The following SLC13A2 variants were observed in gnomAD, a reference collection of about 807,000 sequenced individuals.
SLC13A2 encodes solute carrier family 13 member 2, also known as Na(+)-coupled citrate transporter.
In SLC13A2, 40 loss-of-function variants were observed where a neutral mutation model predicts 58.5. The observed-to-expected ratio is 0.68, with a 90% confidence interval of 0.53 to 0.89. SLC13A2 has a LOEUF of 0.89. Among genes scored for constraint, SLC13A2 ranks in the 40% least tolerant of loss-of-function variants. SLC13A2 has a pLI of 0.00. For synonymous variants in SLC13A2, 341 were observed against 331.6 expected (o/e 1.03, Z -0.31); for missense variants, 694 against 772.6 (o/e 0.90, Z 1.21).
intron 1 of SLC13A2, among the ~76,000 whole-genome samples, chr17:28,479,275 C>T (rs1361285583): frequency 6.6e-6 from 1 of 152,172 alleles, no homozygotes; most frequent in Non-Finnish European, 1.5e-5. Flanking sequence ...CCAGGCAGAA[C>T]AAGCAGTAAG....
At chr17:28,478,315 C>T (rs1555600455) in intron 1 of SLC13A2, among the ~76,000 whole-genome samples, 1 of 152,238 alleles carries the variant, frequency 6.6e-6, no homozygotes, top group African/African-American at 2.4e-5. Context: ...TCCCACCATA[C>T]TTCAGTCCAG....
chr17:28,496,612 C>T lies in SLC13A2; in HGVS notation c.1608+25C>T, dbSNP rs781855925. 2.5e-6 allele frequency: 4 copies of T among 1,596,460 alleles called. No homozygotes were observed. The highest frequency in any genetic ancestry group is 2.2e-5 in the East Asian group (1 of 44,520). ...GGTAAGTGGCAGGGAGGCCTGAATGCCTCATCCCTCCTTCCTGCTCTGACT... is the reference window on the plus strand; with the variant it reads ...GGTAAGTGGCAGGGAGGCCTGAATGTCTCATCCCTCCTTCCTGCTCTGACT... On this transcript the variant is annotated intron_variant, in intron 11 of 11. Coordinates refer to ENST00000314669, the MANE Select transcript of SLC13A2 (RefSeq NM_003984.4). The surrounding 1 kb of genome is among the most constrained non-coding windows in gnomAD (Gnocchi z 4.2).
At chr17:28,491,677 G>A (rs2069026861) in intron 5 of SLC13A2, 53 bp from the exon 6 acceptor site, 3 of 1,610,288 alleles carry the variant, frequency 1.9e-6, no homozygotes, top group Non-Finnish European at 2.5e-6. Context: ...AGGTGAATGG[G>A]GCTGGGCAGT....
In SLC13A2 at chr17:28,489,347, G is replaced by GC. The variant is rs3217046; in HGVS notation, c.231+9dup. ...GGCATCGTGGATGCCTCTGAGGTGA[G>GC]CCCCATCCATAGGAGAAAGCGTTCT... On this transcript the variant is annotated splice_donor_region_variant and intron_variant, in intron 2 of 11. Coordinates refer to ENST00000314669, the MANE Select transcript of SLC13A2 (RefSeq NM_003984.4). The GC allele has an allele frequency of 0.4, 646,552 of 1,611,248 alleles. 131,223 individuals are homozygous for GC. Among genetic ancestry groups the GC allele is most frequent in the African/African-American group, 0.48 (35,929 of 74,888 alleles).
Position 28,497,470 on chromosome 17 carries a change from G to A in SLC13A2, c.*201G>A, listed in dbSNP as rs1323771010. ...GCTGGAATAAAAGGTGTGTGCATGT[G>A]TGTGTGCGCATATGTGTGCGCCTGC... On this transcript the variant is annotated 3_prime_UTR_variant, in exon 12 of 12. Coordinates refer to ENST00000314669, the MANE Select transcript of SLC13A2 (RefSeq NM_003984.4). 10 of 619,644 alleles carry A rather than the reference G, an allele frequency of 1.6e-5. No individual in the cohort carries two copies. The highest frequency in any genetic ancestry group is 2.5e-5 in the Non-Finnish European group (9 of 358,974). The allele number at this position is 619,644 out of a possible 1,614,324, so 38.4% of individuals were successfully genotyped here.
chr17:28,490,573 TG>T lies in SLC13A2; in HGVS notation c.355del (p.Val119CysfsTer6). 1.2e-6 allele frequency: 2 copies of T among 1,604,382 alleles called. No homozygotes were observed. Among genetic ancestry groups the T allele is most frequent in the Non-Finnish European group, 1.7e-6 (2 of 1,172,884 alleles). On this transcript the variant is annotated frameshift_variant, in exon 3 of 12. Coordinates refer to ENST00000314669, the MANE Select transcript of SLC13A2 (RefSeq NM_003984.4). LOFTEE classifies it high-confidence loss of function. Reference protein sequence around the residue: ...RIALRVLLIVGVRPAPLILGF... With the variant: ...RIALRVLLIVXVRPAPLILGF... ...TCGCCCTCCGTGTCCTCCTCATCGT[TG>T]GGGTGCGGCCTGCCCCGTGAGTTCC...
chr17:28,487,356 A>G (rs960314402), intron 1 of SLC13A2: 13 of 170,906 alleles, frequency 7.6e-5, no homozygotes, highest in Non-Finnish European at 1.4e-4. Flanking sequence ...TCCACTTACT[A>G]TATGTGTGAC....
At chr17:28,477,799 C>T (rs2068715701) in intron 1 of SLC13A2, among the ~76,000 whole-genome samples, 1 of 140,020 alleles carries the variant, frequency 7.1e-6, no homozygotes. Context: ...GCCTGTAATC[C>T]CAGCACTTTG....
Position 28,489,324 on chromosome 17 carries a change from C to T in SLC13A2, c.213C>T (p.Gly71=). The change falls in exon 2 of 12, where the codon GGC becomes GGT. Residue 71 remains glycine (G), a synonymous_variant. Coordinates refer to ENST00000314669, the MANE Select transcript of SLC13A2 (RefSeq NM_003984.4). ...LFPLILFPMM[G]IVDASEVAVE... The stretch of plus-strand genomic sequence containing the variant: ...CCTTAATCCTGTTCCCTATGATGGG[C>T]ATCGTGGATGCCTCTGAGGTGAGCC... 6.2e-7 allele frequency: 1 copy of T among 1,610,590 alleles called. No individual in the cohort carries two copies. Among genetic ancestry groups the T allele is most frequent in the South Asian group, 1.1e-5 (1 of 90,810 alleles).
chr17:28,490,354 C>T, intron 2 of SLC13A2, 100 bp from the exon 3 acceptor site: 1 of 1,613,402 alleles, frequency 6.2e-7, no homozygotes, highest in Non-Finnish European at 8.5e-7. Context: ...CAGGGGAATG[C>T]CAGTCTGTGG....
Position 28,489,235 on chromosome 17 carries a change from A to G in SLC13A2, c.124A>G (p.Ile42Val), listed in dbSNP as rs2068951842. 3.1e-6 allele frequency: 5 copies of G among 1,613,782 alleles called. No homozygotes were observed. The highest frequency in any genetic ancestry group is 2.2e-5 in the East Asian group (1 of 44,882). ...PSKEAYCAYAIILMALFWCTE... is the reference protein window; with the variant it reads ...PSKEAYCAYAVILMALFWCTE... Reference sequence around the variant, plus strand: ...GCAGGAGGCCTACTGCGCGTATGCCATCATCCTCATGGCGCTCTTCTGGTG... The same window carrying G: ...GCAGGAGGCCTACTGCGCGTATGCCGTCATCCTCATGGCGCTCTTCTGGTG... The change falls in exon 2 of 12, where the codon ATC (isoleucine) becomes GTC (valine). Residue 42 changes from isoleucine (I) to valine (V), a missense_variant. Ile to Val is a conservative substitution (Grantham distance 29). Transcript: ENST00000314669.
chr17:28,490,390 C>A (rs1486711258), intron 2 of SLC13A2, 64 bp from the exon 3 acceptor site: 2 of 1,613,938 alleles, frequency 1.2e-6, no homozygotes, highest in African/African-American at 2.7e-5. Context: ...CATCCCATAA[C>A]CTCGGGGGCA....
intron 1 of SLC13A2, among the ~76,000 whole-genome samples, chr17:28,479,356 G>A (rs2068743248): frequency 6.6e-6 from 1 of 152,166 alleles, no homozygotes. Flanking sequence ...GGCTTTGGGG[G>A]CTCGAGTGAG....
chr17:28,493,430 C>A, intron 6 of SLC13A2, 141 bp from the exon 7 acceptor site: 2 of 644,624 alleles, frequency 3.1e-6, no homozygotes, highest in Non-Finnish European at 5.2e-6. Context: ...TCCTCCAGAA[C>A]CTCAGGCGGA....
Position 28,473,814 on chromosome 17 carries a change from G to C in SLC13A2, c.102G>C (p.Lys34Asn). The C allele has an allele frequency of 6.2e-7, 1 of 1,613,748 alleles. No homozygotes were observed. Among genetic ancestry groups the C allele is most frequent in the Non-Finnish European group, 8.5e-7 (1 of 1,179,724 alleles). ...LLPLPILVPS[K>N]EAYCAYAIIL... ...CTCTGCCCATCCTCGTCCCCAGTAA[G>C]GTAAGGACTTGGTGTTCTGAGCACA... is the stretch of plus-strand genomic sequence containing the variant. Residue 34 changes from lysine to asparagine, a missense_variant and splice_region_variant, in exon 1 of 12, where the codon AAG (lysine) becomes AAC (asparagine). Physicochemically the swap from Lys to Asn is moderately conservative, Grantham distance 94. Transcript: ENST00000314669.
Position 28,496,857 on chromosome 17 carries a change from T to C in SLC13A2, c.1609-242T>C, listed in dbSNP as rs963590945. On this transcript the variant is annotated intron_variant, in intron 11 of 11. Transcript: ENST00000314669. This position sits in a 1 kb window ranked among gnomAD's most constrained non-coding sequence, Gnocchi z 4.2. ...TGCCAGGCACCCACACTCAGGGAGA[T>C]GAGCTCAGAGAGAACAAGCCCAGGG... Among the ~76,000 whole-genome samples, 12 of 152,262 alleles carry C rather than the reference T, an allele frequency of 7.9e-5. No individual in the cohort carries two copies. The highest frequency in any genetic ancestry group is 2.4e-4 in the African/African-American group (10 of 41,552).
chr17:28,493,325 G>C (rs369767354), intron 6 of SLC13A2, among the ~76,000 whole-genome samples: 2 of 152,300 alleles, frequency 1.3e-5, no homozygotes, highest in African/African-American at 4.8e-5. Context: ...GGAGGGTTCA[G>C]CACCATAGAA....
rs1555602604 is a variant in SLC13A2, at chr17:28,489,250, C to G, written c.139C>G (p.Leu47Val). 1.2e-6 allele frequency: 2 copies of G among 1,614,068 alleles called. No individual in the cohort carries two copies. The highest frequency in any genetic ancestry group is 1.7e-6 in the Non-Finnish European group (2 of 1,180,024). The change falls in exon 2 of 12, where the codon CTC (leucine) becomes GTC (valine). Residue 47 changes from leucine (L) to valine (V), a missense_variant. By Grantham distance (32) the Leu-to-Val change is conservative. Coordinates refer to ENST00000314669, the MANE Select transcript of SLC13A2 (RefSeq NM_003984.4). ...YCAYAIILMA[L>V]FWCTEALPLA... ...CGCGTATGCCATCATCCTCATGGCG[C>G]TCTTCTGGTGCACTGAGGCCCTGCC...
chr17:28,490,964 G>C, intron 4 of SLC13A2, 58 bp downstream of exon 4: 1 of 1,475,374 alleles, frequency 6.8e-7, no homozygotes, highest in Admixed American at 2.1e-5. Flanking sequence ...GAGAGTCTGA[G>C]GGTCTGTCCG....
Sources: allele counts gnomAD v4.1 joint callset (sites outside exome capture counted in the v4.1 genomes callset), GRCh38; gene constraint gnomAD v4.1.1; non-coding constraint Gnocchi (gnomAD v3.1); transcripts MANE v1.5; gene names NCBI Gene and HGNC (gene_info 2026-07-23, HGNC 2026-07-21).